Variants in PAPPA2 observed in about 807,000 individuals in gnomAD.
PAPPA2 encodes pappalysin-2.
A neutral mutation model predicts 176.4 loss-of-function variants in PAPPA2; 86 were observed. That is an observed-to-expected ratio of 0.49 (90% CI 0.41 to 0.58). The LOEUF (loss-of-function observed/expected upper bound fraction) is 0.58. Ranked by LOEUF, PAPPA2 falls within the 20% of genes least tolerant of loss-of-function variation. The probability of loss-of-function intolerance (pLI) is 0.00; values close to 1 mark genes in which losing one functional copy is unlikely to be tolerated. For missense variants in PAPPA2, 2,073 were observed against 2,256.9 expected, an observed-to-expected ratio of 0.92 and a Z score of 1.65; for synonymous variants, 809 against 852.2, an observed-to-expected ratio of 0.95 and a Z score of 0.88.
intron 12 of PAPPA2, among the ~76,000 whole-genome samples, chr1:176,716,781 T>A (rs1461858562): frequency 6.6e-6 from 1 of 151,734 alleles, no homozygotes; most frequent in Non-Finnish European, 1.5e-5. Context: ...CCGGCTAATT[T>A]TTTGTATTTT....
chr1:176,614,742 A>G (rs1021236620), intron 3 of PAPPA2, among the ~76,000 whole-genome samples: 1 of 152,184 alleles, frequency 6.6e-6, no homozygotes, highest in Non-Finnish European at 1.5e-5. Flanking sequence ...AACACTGACA[A>G]ATTATTTCTC....
At chr1:176,648,605 C>T (rs1657544161) in intron 3 of PAPPA2, among the ~76,000 whole-genome samples, 1 of 151,484 alleles carries the variant, frequency 6.6e-6, no homozygotes, top group Non-Finnish European at 1.5e-5. Flanking sequence ...AAGGTATGTT[C>T]CTACTATACC....
chr1:176,737,722 A>G (rs1662480163), intron 12 of PAPPA2, among the ~76,000 whole-genome samples: 1 of 152,128 alleles, frequency 6.6e-6, no homozygotes, highest in African/African-American at 2.4e-5. Context: ...AGGCAAAGTG[A>G]TTTGATATTC....
At chr1:176,776,027 C>T (rs1319106877) in intron 17 of PAPPA2, among the ~76,000 whole-genome samples, 1 of 152,156 alleles carries the variant, frequency 6.6e-6, no homozygotes, top group Non-Finnish European at 1.5e-5. Context: ...GGCACAAACT[C>T]TCTTTTAAGA....
At chr1:176,721,971 G>A (rs1397147484) in intron 12 of PAPPA2, among the ~76,000 whole-genome samples, 2 of 151,536 alleles carry the variant, frequency 1.3e-5, no homozygotes, top group South Asian at 2.1e-4. Flanking sequence ...TTTACACTGA[G>A]CTATCTTCTG....
At chr1:176,495,537 CAAA>C (rs537075802) in intron 1 of PAPPA2, among the ~76,000 whole-genome samples, 4 of 69,906 alleles carry the variant, frequency 5.7e-5, no homozygotes, top group Non-Finnish European at 5.8e-5. Context: ...AACTCTGTTT[CAAA>C]AAAAAAAAAA....
At chr1:176,784,059 G>A (rs1035527974) in intron 17 of PAPPA2, among the ~76,000 whole-genome samples, 4 of 152,164 alleles carry the variant, frequency 2.6e-5, no homozygotes, top group South Asian at 2.1e-4. Flanking sequence ...ATTGCTGTGC[G>A]AACATTGGGT....
intron 3 of PAPPA2, among the ~76,000 whole-genome samples, chr1:176,605,277 G>T (rs1225491906): frequency 6.6e-6 from 1 of 152,164 alleles, no homozygotes; most frequent in African/African-American, 2.4e-5. Flanking sequence ...TACAGATTAG[G>T]CAAGATCCTT....
chr1:176,768,763 C>T (rs923637033), intron 15 of PAPPA2, among the ~76,000 whole-genome samples: 5 of 152,114 alleles, frequency 3.3e-5, no homozygotes, highest in African/African-American at 1.2e-4. Flanking sequence ...TAGGGCTGCC[C>T]TACTGAAATG....
chr1:176,779,035 T>C (rs958233075), intron 17 of PAPPA2, among the ~76,000 whole-genome samples: 5 of 152,136 alleles, frequency 3.3e-5, no homozygotes, highest in Non-Finnish European at 5.9e-5. Context: ...GCATCCATGC[T>C]CTCACTTCAA....
At chr1:176,781,890 T>C (rs1664737430) in intron 17 of PAPPA2, among the ~76,000 whole-genome samples, 1 of 152,324 alleles carries the variant, frequency 6.6e-6, no homozygotes, top group African/African-American at 2.4e-5. Context: ...AAAGGCTTTC[T>C]AACTTCAGTT....
intron 3 of PAPPA2, among the ~76,000 whole-genome samples, chr1:176,644,058 C>A (rs1438053747): frequency 6.6e-6 from 1 of 151,792 alleles, no homozygotes; most frequent in Non-Finnish European, 1.5e-5. Flanking sequence ...GTTGCTCTGG[C>A]ATCCTTCTGG....
chr1:176,831,893 T>C (rs1192563721), intron 21 of PAPPA2, among the ~76,000 whole-genome samples: 1 of 152,152 alleles, frequency 6.6e-6, no homozygotes, highest in Non-Finnish European at 1.5e-5. Flanking sequence ...CCATTTCTTT[T>C]CTGTTTTTAT....
chr1:176,530,150 G>C (rs1411001843), intron 1 of PAPPA2, among the ~76,000 whole-genome samples: 8 of 152,136 alleles, frequency 5.3e-5, no homozygotes, highest in Admixed American at 5.2e-4. Flanking sequence ...GGAGGCCCAG[G>C]GTCCTGGCTG....
intron 21 of PAPPA2, among the ~76,000 whole-genome samples, chr1:176,816,147 A>C (rs1429665571): frequency 1.2e-5 from 1 of 85,080 alleles, no homozygotes; most frequent in African/African-American, 4.5e-5. Flanking sequence ...TTTTCCTTTC[A>C]CAGTGTATAT....
intron 4 of PAPPA2, among the ~76,000 whole-genome samples, chr1:176,681,067 G>C (rs1270974344): frequency 2.6e-5 from 4 of 151,820 alleles, no homozygotes. Context: ...AACTAAGAAG[G>C]GGCTTCCATG....
At chr1:176,692,742 A>G (rs1660176356) in intron 6 of PAPPA2, among the ~76,000 whole-genome samples, 1 of 152,176 alleles carries the variant, frequency 6.6e-6, no homozygotes, top group African/African-American at 2.4e-5. Context: ...TAGTGTGCCC[A>G]CTGCCACAAG....
intron 1 of PAPPA2, among the ~76,000 whole-genome samples, chr1:176,549,762 G>C (rs1003412316): frequency 1.3e-5 from 2 of 152,046 alleles, no homozygotes; most frequent in African/African-American, 4.8e-5. Flanking sequence ...TTGGTCTTTG[G>C]GCACCTGAAG....
intron 2 of PAPPA2, among the ~76,000 whole-genome samples, chr1:176,566,537 T>C (rs1651991042): frequency 6.6e-6 from 1 of 152,164 alleles, no homozygotes; most frequent in African/African-American, 2.4e-5. Flanking sequence ...GGGAGCTGTG[T>C]GTTCTTTCTC....
Sources: gnomAD v4.1 joint callset for allele counts (sites outside exome capture counted in the v4.1 genomes callset) on GRCh38, gnomAD v4.1.1 for gene constraint, MANE v1.5 for transcripts, NCBI Gene and HGNC (gene_info 2026-07-23, HGNC 2026-07-21) for gene names.